Variants in TRAIP observed in about 807,000 individuals in gnomAD.
TRAIP encodes TRAF interacting protein.
A neutral mutation model predicts 65.0 loss-of-function variants in TRAIP; 37 were observed. That is an observed-to-expected ratio of 0.57 (90% CI 0.44 to 0.75). The LOEUF (loss-of-function observed/expected upper bound fraction) is 0.75, where lower values mean the gene tolerates loss of function less well. TRAIP is among the 30% of genes least tolerant of loss of function. The probability of loss-of-function intolerance (pLI) is 0.00; values close to 1 mark genes in which losing one functional copy is unlikely to be tolerated. For synonymous variants in TRAIP, 187 were observed against 219.1 expected, an observed-to-expected ratio of 0.85 and a Z score of 1.29; for missense variants, 481 against 579.4, an observed-to-expected ratio of 0.83 and a Z score of 1.74.
chr3:49,849,846 T>TC (rs1559451774), intron 1 of TRAIP, among the ~76,000 whole-genome samples: 5 of 138,684 alleles, frequency 3.6e-5, no homozygotes, highest in South Asian at 2.5e-4. Flanking sequence ...TTTTCTTTTT[T>TC]TTTTTTTTTT....
chr3:49,833,936 G>C (rs960432002), intron 10 of TRAIP, among the ~76,000 whole-genome samples: 4 of 152,154 alleles, frequency 2.6e-5, no homozygotes, highest in African/African-American at 9.7e-5. Flanking sequence ...GTTGAGGCTG[G>C]CTTGAGGCCC....
intron 11 of TRAIP, among the ~76,000 whole-genome samples, chr3:49,830,581 T>G (rs2081722569): frequency 6.6e-6 from 1 of 152,116 alleles, no homozygotes; most frequent in African/African-American, 2.4e-5. Context: ...GGCCAAGCCA[T>G]CTCCCTAGAG....
chr3:49,841,418 T>C (rs1208163534), intron 7 of TRAIP, among the ~76,000 whole-genome samples: 2 of 152,138 alleles, frequency 1.3e-5, no homozygotes, highest in Non-Finnish European at 2.9e-5. Context: ...CCTGCCAACC[T>C]TACACCCACC....
chr3:49,836,326 A>G (rs1162800423), intron 10 of TRAIP, among the ~76,000 whole-genome samples: 1 of 151,724 alleles, frequency 6.6e-6, no homozygotes, highest in African/African-American at 2.4e-5. Flanking sequence ...CCCCATCTCT[A>G]CTAAAAATAC....
At position 49,828,816 on chromosome 3, in the gene TRAIP, A is replaced by G. The variant is rs2081705453; in HGVS notation, c.*287T>C. 1 of 382,008 alleles carries G rather than the reference A, an allele frequency of 2.6e-6. No homozygotes were observed. The highest frequency in any genetic ancestry group is 5.0e-6 in the Non-Finnish European group (1 of 198,594). 23.7% of individuals were successfully genotyped at this position (382,008 alleles called of 1,614,324 possible). ...GACCGTGGTCTCCAGGCCCAGAAAG[A>G]GTCTGACCACATCTGATCATGGCTA... On this transcript the variant is annotated 3_prime_UTR_variant, in exon 15 of 15. Coordinates refer to ENST00000331456, the MANE Select transcript of TRAIP (RefSeq NM_005879.3).
At chr3:49,854,278 T>C (rs772910970) in intron 1 of TRAIP, among the ~76,000 whole-genome samples, 5 of 152,170 alleles carry the variant, frequency 3.3e-5, no homozygotes, top group Admixed American at 1.3e-4. Flanking sequence ...TGAGCAGAGA[T>C]TGTACCACTG....
At chr3:49,851,846 GCCA>G (rs1575400480) in intron 1 of TRAIP, among the ~76,000 whole-genome samples, 1 of 151,438 alleles carries the variant, frequency 6.6e-6, no homozygotes, top group East Asian at 2.0e-4. Flanking sequence ...AGAGGCGCCC[GCCA>G]CCATGCCCGG....
At chr3:49,832,493 A>G (rs1057468856) in intron 10 of TRAIP, among the ~76,000 whole-genome samples, 9 of 137,582 alleles carry the variant, frequency 6.5e-5, no homozygotes, top group African/African-American at 2.1e-4. Flanking sequence ...CCGTCTCAGG[A>G]AAAAAAAAAA....
chr3:49,840,339 T>C lies in TRAIP; in HGVS notation c.740A>G (p.Lys247Arg). Residue 247 changes from lysine (K) to arginine (R), a missense_variant, in exon 9 of 15, where the codon AAG becomes AGG. Transcript: ENST00000331456. Reference sequence around the variant, plus strand: ...CTTCTGGGCTGACTTCAGTTCTAACTTGGCCTGATCCAATTCAGAGTAGAC... The same window carrying C: ...CTTCTGGGCTGACTTCAGTTCTAACCTGGCCTGATCCAATTCAGAGTAGAC... ...QTVYSELDQAKLELKSAQKDL... is the reference protein window; with the variant it reads ...QTVYSELDQARLELKSAQKDL... 6.2e-7 allele frequency: 1 copy of C among 1,614,204 alleles called. No individual in the cohort carries two copies. Among genetic ancestry groups the C allele is most frequent in the Non-Finnish European group, 8.5e-7 (1 of 1,180,002 alleles).
intron 1 of TRAIP, among the ~76,000 whole-genome samples, chr3:49,848,912 T>A (rs1455710472): frequency 6.6e-6 from 1 of 151,920 alleles, no homozygotes; most frequent in East Asian, 1.9e-4. Context: ...AGTGGCACGA[T>A]CTTGGTTCAC....
At chr3:49,832,123 A>G (rs1377056128) in intron 10 of TRAIP, 55 bp from the exon 11 acceptor site, 1 of 1,478,666 alleles carries the variant, frequency 6.8e-7, no homozygotes, top group Non-Finnish European at 9.0e-7. Context: ...CCAGGACAAC[A>G]GCTCCTGAAG....
At position 49,840,334 on chromosome 3, in the gene TRAIP, C is replaced by G. The variant is rs144303219; in HGVS notation, c.745G>C (p.Glu249Gln). ...VYSELDQAKL[E>Q]LKSAQKDLQS... ...AAGTCCTTCTGGGCTGACTTCAGTT[C>G]TAACTTGGCCTGATCCAATTCAGAG... The change falls in exon 9 of 15, where the codon GAA becomes CAA. Residue 249 changes from glutamate to glutamine, a missense_variant. Transcript: ENST00000331456. 5.6e-6 allele frequency: 9 copies of G among 1,614,190 alleles called. No individual in the cohort carries two copies. The highest frequency in any genetic ancestry group is 6.8e-6 in the Non-Finnish European group (8 of 1,180,004).
intron 10 of TRAIP, among the ~76,000 whole-genome samples, chr3:49,833,775 G>A (rs780688060): frequency 5.3e-5 from 8 of 152,170 alleles, no homozygotes; most frequent in Non-Finnish European, 8.8e-5. Flanking sequence ...CACCGCGCCC[G>A]GCCTTGTCTT....
At chr3:49,841,988 G>A (rs1362606449) in intron 6 of TRAIP, 49 bp from the exon 7 acceptor site, 1 of 1,467,546 alleles carries the variant, frequency 6.8e-7, no homozygotes, top group Non-Finnish European at 9.5e-7. Context: ...AGGCTGATGG[G>A]TAGGTACCCA....
chr3:49,839,505 A>C (rs2081818751), intron 10 of TRAIP, among the ~76,000 whole-genome samples: 1 of 152,210 alleles, frequency 6.6e-6, no homozygotes, highest in Admixed American at 6.5e-5. Context: ...GCTACTCCAT[A>C]AACAGGATGC....
At chr3:49,833,958 A>G (rs2081759017) in intron 10 of TRAIP, among the ~76,000 whole-genome samples, 1 of 152,060 alleles carries the variant, frequency 6.6e-6, no homozygotes, top group Non-Finnish European at 1.5e-5. Flanking sequence ...CCTGAGTGAC[A>G]CTATCACCCT....
intron 3 of TRAIP, among the ~76,000 whole-genome samples, chr3:49,847,037 G>A (rs563529595): frequency 3.3e-5 from 5 of 152,076 alleles, no homozygotes; most frequent in African/African-American, 4.8e-5. Context: ...AAAACTAGCC[G>A]GGTATGGTGG....
At chr3:49,837,617 T>TGTC (rs2081800334) in intron 10 of TRAIP, among the ~76,000 whole-genome samples, 1 of 152,176 alleles carries the variant, frequency 6.6e-6, no homozygotes, top group Admixed American at 6.5e-5. Context: ...GGAGTCTCTC[T>TGTC]GTCACCCAGG....
At chr3:49,838,840 C>T (rs542190272) in intron 10 of TRAIP, among the ~76,000 whole-genome samples, 1 of 141,350 alleles carries the variant, frequency 7.1e-6, no homozygotes, top group Admixed American at 7.0e-5. Flanking sequence ...GAGCCGAGAT[C>T]GCACCACTGT....
Sources: allele counts gnomAD v4.1 joint callset (sites outside exome capture counted in the v4.1 genomes callset), GRCh38; gene constraint gnomAD v4.1.1; transcripts MANE v1.5; gene names NCBI Gene and HGNC (gene_info 2026-07-23, HGNC 2026-07-21).